Variants in WTAP observed in about 807,000 individuals in gnomAD.
The protein encoded by WTAP is WT1 associated protein.
Under a neutral mutation model 50.0 loss-of-function variants are expected in WTAP, and 8 were observed. The ratio of observed to expected loss-of-function variants is 0.16; its 90% CI spans 0.09 to 0.29. The LOEUF (loss-of-function observed/expected upper bound fraction) is 0.29. Among genes scored for constraint, WTAP ranks in the 10% least tolerant of loss-of-function variants. The pLI, the probability that WTAP is intolerant of heterozygous loss-of-function variation, is 1.00. For missense variants in WTAP, 295 were observed against 470.7 expected, an observed-to-expected ratio of 0.63 and a Z score of 3.45; for synonymous variants, 194 against 169.0, an observed-to-expected ratio of 1.15 and a Z score of -1.15.
intron 1 of WTAP, 68 bp from the exon 2 acceptor site, chr6:159,736,190 T>C: frequency 1.4e-6 from 2 of 1,461,092 alleles, no homozygotes; most frequent in Non-Finnish European, 1.9e-6. Flanking sequence ...AAAGAGTCAG[T>C]ATTTTTTATT....
In WTAP at chr6:159,743,804, A is replaced by G. The variant is rs917707359; in HGVS notation, c.273+12A>G. 6.3e-6 allele frequency: 10 copies of G among 1,591,470 alleles called. No homozygotes were observed. The Middle Eastern group carries it at 1.0e-3, about 161-fold the overall frequency. On this transcript the variant is annotated intron_variant, in intron 5 of 7. Transcript: ENST00000621533. ...TGCAAGAGTGTACTGTAAGTATTTC[A>G]AGTTATATAAATGTCTTTAGTTGAG...
At chr6:159,745,476 C>A (rs990114080) in intron 5 of WTAP, among the ~76,000 whole-genome samples, 9 of 151,770 alleles carry the variant, frequency 5.9e-5, no homozygotes, top group Non-Finnish European at 1.3e-4. Context: ...CTGCATACGC[C>A]AGCTGAACAA....
chr6:159,742,818 G>A lies in WTAP; in HGVS notation c.145+672G>A, dbSNP rs183730046. Among the ~76,000 whole-genome samples the A allele has an allele frequency of 2.6e-5, 4 of 152,098 alleles. No individual in the cohort carries two copies. The East Asian group carries it at 7.8e-4, about 30-fold the overall frequency. On this transcript the variant is annotated intron_variant, in intron 4 of 7. Coordinates refer to ENST00000621533, the MANE Select transcript of WTAP (RefSeq NM_001270531.2). ...CACCTATAATCCCAGCACTTTGGGA[G>A]GCCAAGGTGGGAAGATCACTTGAGC...
intron 1 of WTAP, among the ~76,000 whole-genome samples, chr6:159,728,067 C>T (rs1451530090): frequency 2.0e-5 from 3 of 152,358 alleles, no homozygotes; most frequent in Middle Eastern, 3.4e-3. Context: ...CTCCTGAGGA[C>T]CTGGCGGCAC....
At chr6:159,726,742 C>T (rs1428602577), upstream of WTAP, 4 of 1,283,256 alleles carry the variant, frequency 3.1e-6, no homozygotes, top group Non-Finnish European at 4.1e-6. Context: ...AACAATAGCT[C>T]CTCGATGCGT....
chr6:159,736,940 A>G (rs1338362605), intron 2 of WTAP, among the ~76,000 whole-genome samples: 3 of 152,234 alleles, frequency 2.0e-5, no homozygotes, highest in Non-Finnish European at 4.4e-5. Context: ...TGAATAATTT[A>G]GATATTACAG....
chr6:159,727,454 GGCGGAGCGGAGCC>G, upstream of WTAP: 1 of 1,062,200 alleles, frequency 9.4e-7, no homozygotes, highest in Non-Finnish European at 1.1e-6. Flanking sequence ...GGCGGGGCAG[GGCGGAGCGGAGCC>G]GTGCGGCGGG....
Position 159,727,553 on chromosome 6 carries a change from G to A in WTAP, c.-159G>A. ...CAGCGAGACCCACAAATAAAGGGGA[G>A]CGCAGGGGTTGCGGCGGGACTAGGA... is the stretch of plus-strand genomic sequence containing the variant. On this transcript the variant is annotated 5_prime_UTR_variant, in exon 1 of 8. Coordinates refer to ENST00000621533, the MANE Select transcript of WTAP (RefSeq NM_001270531.2). 1.0e-6 allele frequency: 1 copy of A among 989,412 alleles called. No homozygotes were observed. The highest frequency in any genetic ancestry group is 1.2e-6 in the Non-Finnish European group (1 of 832,972). The allele number at this position is 989,412 out of a possible 1,614,324, so 61.3% of individuals were successfully genotyped here. A position where few individuals can be genotyped will look rare whatever the true frequency, so the allele number is the denominator to read the frequency against.
At chr6:159,754,265 A>G (rs914949429) in intron 7 of WTAP, among the ~76,000 whole-genome samples, 6 of 152,216 alleles carry the variant, frequency 3.9e-5, no homozygotes, top group African/African-American at 1.4e-4. Flanking sequence ...CCTTTTCAAA[A>G]TCTTCAGGAA....
intron 4 of WTAP, among the ~76,000 whole-genome samples, chr6:159,743,341 C>T (rs1170583274): frequency 1.3e-5 from 2 of 152,192 alleles, no homozygotes; most frequent in East Asian, 3.9e-4. Flanking sequence ...GCCTCTGTGC[C>T]CAGACAGCAT....
At chr6:159,736,349 T>G (rs1778913758) in intron 2 of WTAP, 54 bp downstream of exon 2, 1 of 1,390,452 alleles carries the variant, frequency 7.2e-7, no homozygotes, top group East Asian at 2.3e-5. Context: ...TTTGGGGGCT[T>G]TTTTAAGCAC....
intron 3 of WTAP, among the ~76,000 whole-genome samples, chr6:159,739,303 C>A (rs1297480076): frequency 1.3e-5 from 2 of 152,076 alleles, no homozygotes; most frequent in Admixed American, 6.5e-5. Flanking sequence ...TCGTGTTTAA[C>A]ATTTGAAAAA....
At position 159,755,765 on chromosome 6, in the gene WTAP, CTT is replaced by C; in HGVS notation, c.*178_*179del. The C allele has an allele frequency of 0.076, 12,867 of 170,206 alleles. No individual in the cohort carries two copies. The highest frequency in any genetic ancestry group is 0.092 in the Middle Eastern group (35 of 382). 10.5% of individuals were successfully genotyped at this position (170,206 alleles called of 1,614,324 possible). A position where few individuals can be genotyped will look rare whatever the true frequency, so the allele number is the denominator to read the frequency against. Reference sequence around the variant, plus strand: ...TTTTTCTTTGTTTTTTTTTTCTTTTCTTTTTTTTTTTTTTTTTTTTTTTTTGC... The same window carrying C: ...TTTTTCTTTGTTTTTTTTTTCTTTTCTTTTTTTTTTTTTTTTTTTTTTTGC... On this transcript the variant is annotated 3_prime_UTR_variant, in exon 8 of 8. Coordinates refer to ENST00000621533, the MANE Select transcript of WTAP (RefSeq NM_001270531.2).
At chr6:159,733,706 G>T (rs1778730288) in intron 1 of WTAP, among the ~76,000 whole-genome samples, 1 of 151,992 alleles carries the variant, frequency 6.6e-6, no homozygotes, top group Non-Finnish European at 1.5e-5. Flanking sequence ...CTGAGGTCGG[G>T]ATTTCCAGAC....
chr6:159,741,894 A>AG, intron 3 of WTAP, 194 bp from the exon 4 acceptor site: 1 of 472,952 alleles, frequency 2.1e-6, no homozygotes, highest in South Asian at 2.3e-5. Flanking sequence ...GCTTGAGCCC[A>AG]GACCCTGTTT....
intron 2 of WTAP, 67 bp downstream of exon 2, chr6:159,736,362 T>A (rs1056330952): frequency 1.7e-4 from 200 of 1,170,812 alleles, no homozygotes; most frequent in Admixed American, 4.2e-4. Flanking sequence ...TTAAGCACTT[T>A]AAAAAAAAAT....
At position 159,748,079 on chromosome 6, in the gene WTAP, G is replaced by A. The variant is rs367685379; in HGVS notation, c.274-112G>A. 3 of 1,297,536 alleles carry A rather than the reference G, an allele frequency of 2.3e-6. No individual in the cohort carries two copies. Among genetic ancestry groups the A allele is most frequent in the African/African-American group, 3.0e-5 (2 of 67,308 alleles). 80.4% of individuals were successfully genotyped at this position (1,297,536 alleles called of 1,614,324 possible). A position where few individuals can be genotyped will look rare whatever the true frequency, so the allele number is the denominator to read the frequency against. On this transcript the variant is annotated intron_variant, in intron 5 of 7. Coordinates refer to ENST00000621533, the MANE Select transcript of WTAP (RefSeq NM_001270531.2). The surrounding 1 kb of genome is among the most constrained non-coding windows in gnomAD (Gnocchi z 5.6). ...CTAGAGAATTTCAGGATCAAAGAGG[G>A]GAGGAGCTTAATGAAAGAGTTGGTA...
At position 159,743,530 on chromosome 6, in the gene WTAP, C is replaced by T. The variant is rs978002837; in HGVS notation, c.146-135C>T. Reference sequence around the variant, plus strand: ...GAGCTCTCGTGACCAGGAAGAAATTCGCCTGTTATAAAAGTAGTTAGGATG... The same window carrying T: ...GAGCTCTCGTGACCAGGAAGAAATTTGCCTGTTATAAAAGTAGTTAGGATG... On this transcript the variant is annotated intron_variant, in intron 4 of 7. Coordinates refer to ENST00000621533, the MANE Select transcript of WTAP (RefSeq NM_001270531.2). The T allele has an allele frequency of 1.0e-5, 8 of 786,034 alleles. No individual in the cohort carries two copies. In the South Asian group the frequency reaches 1.2e-4, roughly 11 times the overall value. 48.7% of individuals were successfully genotyped at this position (786,034 alleles called of 1,614,324 possible).
At chr6:159,726,878 C>G (rs1407121696), upstream of WTAP, 1 of 1,289,208 alleles carries the variant, frequency 7.8e-7, no homozygotes, top group East Asian at 5.5e-5. Flanking sequence ...AGAGTAAACG[C>G]CCGCGGCTCG....
Sources: allele counts gnomAD v4.1 joint callset (sites outside exome capture counted in the v4.1 genomes callset), GRCh38; gene constraint gnomAD v4.1.1; non-coding constraint Gnocchi (gnomAD v3.1); transcripts MANE v1.5; gene names NCBI Gene and HGNC (gene_info 2026-07-23, HGNC 2026-07-21).